The following FKBP15 variants were observed in gnomAD, a reference collection of about 807,000 sequenced individuals.
The protein encoded by FKBP15 is FK506-binding protein 15.
Under a neutral mutation model 158.1 loss-of-function variants are expected in FKBP15, and 106 were observed. The observed-to-expected ratio is 0.67, with a 90% CI of 0.57 to 0.79. FKBP15 has a LOEUF of 0.79. Ranked by LOEUF, FKBP15 falls within the 30% of genes least tolerant of loss-of-function variation. The probability of loss-of-function intolerance (pLI) is 0.00; values close to 1 mark genes in which losing one functional copy is unlikely to be tolerated. For missense variants in FKBP15, 1,287 were observed against 1,479.1 expected (o/e 0.87, Z 2.13); for synonymous variants, 547 against 548.6 (o/e 1.00, Z 0.04).
intron 22 of FKBP15, 35 bp from the exon 23 acceptor site, chr9:113,173,640 G>A: frequency 6.3e-7 from 1 of 1,596,858 alleles, no homozygotes; most frequent in East Asian, 2.3e-5. Flanking sequence ...ATCATCCTTG[G>A]GGGTGGGGGA....
chr9:113,211,956 T>C (rs1831015476), intron 1 of FKBP15, among the ~76,000 whole-genome samples: 1 of 152,158 alleles, frequency 6.6e-6, no homozygotes, highest in Non-Finnish European at 1.5e-5. Context: ...AAACTGTAAA[T>C]TCTTGCTTTT....
chr9:113,162,654 C>T lies in FKBP15; in HGVS notation c.*3424G>A, dbSNP rs190320460. 26 of 1,171,830 alleles carry T rather than the reference C, an allele frequency of 2.2e-5. No individual in the cohort carries two copies. Among genetic ancestry groups the T allele is most frequent in the East Asian group, 1.7e-4 (7 of 40,866 alleles). The allele number at this position is 1,171,830 out of a possible 1,614,324, so 72.6% of individuals were successfully genotyped here. On this transcript the variant is annotated 3_prime_UTR_variant, in exon 28 of 28. Transcript: ENST00000238256. ...TACAAGTTATAAATCAATCGGGTCA[C>T]GTAACTCAACAGCTTTCTACTCCCT...
At chr9:113,174,626 G>A (rs753157221) in intron 21 of FKBP15, 43 bp from the exon 22 acceptor site, 1 of 1,568,994 alleles carries the variant, frequency 6.4e-7, no homozygotes, top group Admixed American at 1.8e-5. Context: ...CTTGTTAACA[G>A]AGAATAAAGA....
rs367704460 is a variant in FKBP15 at position 113,169,212 on chromosome 9, A to G, written c.3485+12T>C. On this transcript the variant is annotated intron_variant, in intron 26 of 27. Transcript: ENST00000238256. Reference sequence around the variant, plus strand: ...CTACCCTGTCCCTGAAGCAGTGCTCAGAGGAACATACCTGGAACGCTGGGA... The same window carrying G: ...CTACCCTGTCCCTGAAGCAGTGCTCGGAGGAACATACCTGGAACGCTGGGA... 3 of 1,607,404 alleles carry G rather than the reference A, an allele frequency of 1.9e-6. No individual in the cohort carries two copies. Among genetic ancestry groups the G allele is most frequent in the African/African-American group, 2.7e-5 (2 of 74,830 alleles).
rs769144318 is a variant in FKBP15, at chr9:113,180,250, C to T, written c.1915-1449G>A. Among the ~76,000 whole-genome samples the T allele has an allele frequency of 1.1e-4, 16 of 152,086 alleles. No individual in the cohort carries two copies. The South Asian group carries it at 2.5e-3, about 24-fold the overall frequency. On this transcript the variant is annotated intron_variant, in intron 19 of 27. Coordinates refer to ENST00000238256, the MANE Select transcript of FKBP15 (RefSeq NM_015258.2). Reference sequence around the variant, plus strand: ...AGAAGCATAAAAATTAATGCTGTCCCCCAAATGTACATGTACACAGAAAAT... The same window carrying T: ...AGAAGCATAAAAATTAATGCTGTCCTCCAAATGTACATGTACACAGAAAAT...
chr9:113,200,256 T>C (rs1830762817), intron 6 of FKBP15, among the ~76,000 whole-genome samples: 1 of 152,178 alleles, frequency 6.6e-6, no homozygotes, highest in African/African-American at 2.4e-5. Context: ...ACAAATCTCA[T>C]AGGATGGTTA....
intron 26 of FKBP15, among the ~76,000 whole-genome samples, 188 bp downstream of exon 26, chr9:113,169,036 G>GCCACACTACCACAGGGCCCA (rs1830153071): frequency 6.6e-6 from 1 of 151,852 alleles, no homozygotes; most frequent in African/African-American, 2.4e-5. Context: ...CACAGGGCCC[G>GCCACACTACCACAGGGCCCA]CCACACTACT....
intron 21 of FKBP15, among the ~76,000 whole-genome samples, 154 bp downstream of exon 21, chr9:113,176,383 A>T (rs771686063): frequency 1.1e-4 from 16 of 152,254 alleles, no homozygotes; most frequent in Non-Finnish European, 2.2e-4. Context: ...CCTTCAATGT[A>T]TGAGATTAGA....
In FKBP15 at chr9:113,195,052, G is replaced by T. The variant is rs530994021; in HGVS notation, c.865-883C>A. Reference sequence around the variant, plus strand: ...ATTAGTTAAAATTGTTGGATAAAAGGGATGCTCATTTTGAAAGCTTTTAAC... The same window carrying T: ...ATTAGTTAAAATTGTTGGATAAAAGTGATGCTCATTTTGAAAGCTTTTAAC... On this transcript the variant is annotated intron_variant, in intron 9 of 27. Coordinates refer to ENST00000238256, the MANE Select transcript of FKBP15 (RefSeq NM_015258.2). Among the ~76,000 whole-genome samples, 3 of 152,170 alleles carry T rather than the reference G, an allele frequency of 2.0e-5. No homozygotes were observed. The East Asian group carries it at 5.8e-4, about 29-fold the overall frequency.
intron 9 of FKBP15, among the ~76,000 whole-genome samples, chr9:113,195,986 AT>A (rs560511758): frequency 2.9e-4 from 44 of 151,968 alleles, no homozygotes; most frequent in Non-Finnish European, 5.4e-4. Context: ...ACATATGACT[AT>A]GTATATGGAT....
At chr9:113,182,705 T>C (rs1830419942) in intron 19 of FKBP15, 61 bp downstream of exon 19, 6 of 1,361,216 alleles carry the variant, frequency 4.4e-6, no homozygotes, top group Admixed American at 3.4e-5. Context: ...AGTATGTACA[T>C]GGGACCATTC....
At chr9:113,196,116 T>C (rs987736851) in intron 9 of FKBP15, among the ~76,000 whole-genome samples, 1 of 152,148 alleles carries the variant, frequency 6.6e-6, no homozygotes, top group Non-Finnish European at 1.5e-5. Flanking sequence ...TTCATATTCT[T>C]TAAGAGCTAC....
At chr9:113,190,229 G>T (rs1392797298) in intron 12 of FKBP15, among the ~76,000 whole-genome samples, 2 of 152,166 alleles carry the variant, frequency 1.3e-5, no homozygotes, top group South Asian at 2.1e-4. Flanking sequence ...AGTAAAGAAG[G>T]CTAAATTAAC....
At chr9:113,192,092 T>C (rs1830585304) in intron 11 of FKBP15, among the ~76,000 whole-genome samples, 1 of 152,074 alleles carries the variant, frequency 6.6e-6, no homozygotes, top group East Asian at 1.9e-4. Context: ...GAAGTTACTA[T>C]AGCCTTAGAA....
intron 22 of FKBP15, 23 bp from the exon 23 acceptor site, chr9:113,173,628 A>G (rs1830252921): frequency 6.2e-7 from 1 of 1,606,946 alleles, no homozygotes; most frequent in Non-Finnish European, 8.5e-7. Context: ...AGTAATGACC[A>G]TATCATCCTT....
At position 113,174,870 on chromosome 9, in the gene FKBP15, G is replaced by A. The variant is rs1362319290; in HGVS notation, c.2224-287C>T. 4.4e-5 allele frequency among the ~76,000 whole-genome samples: 2 copies of A among 45,316 alleles called. 1 individual carries two copies. Among genetic ancestry groups the A allele is most frequent in the Non-Finnish European group, 9.5e-5 (2 of 21,038 alleles). The allele number at this position is 45,316 out of a possible 152,430, so 29.7% of individuals were successfully genotyped here. A position where few individuals can be genotyped will look rare whatever the true frequency, so the allele number is the denominator to read the frequency against. ...GAGGTCAGGAGATCGAGACCATCCC[G>A]GCTAAAACGGTGAAACCCCGTCTCT... On this transcript the variant is annotated intron_variant, in intron 21 of 27. Coordinates refer to ENST00000238256, the MANE Select transcript of FKBP15 (RefSeq NM_015258.2).
intron 20 of FKBP15, among the ~76,000 whole-genome samples, chr9:113,177,594 G>A (rs1325744510): frequency 2.0e-5 from 3 of 152,078 alleles, no homozygotes; most frequent in Admixed American, 6.6e-5. Flanking sequence ...AACCAGCCTG[G>A]TCAACATAGT....
chr9:113,205,867 T>C (rs1830875438), intron 4 of FKBP15: 1 of 152,214 alleles, frequency 6.6e-6, no homozygotes, highest in Non-Finnish European at 1.5e-5. Flanking sequence ...ATGCATGCTA[T>C]AACATGGGTG....
Position 113,221,237 on chromosome 9 carries a change from C to G in FKBP15, c.7G>C (p.Gly3Arg). 1.2e-6 allele frequency: 2 copies of G among 1,607,546 alleles called. No individual in the cohort carries two copies. The highest frequency in any genetic ancestry group is 2.2e-5 in the East Asian group (1 of 44,500). ...TCGGTGTCGTCCTCGTCCCCCGCAC[C>G]GAACATTGCGTTGGCTTTCACCGGG... MF[G>R]AGDEDDTDFL... is the part of the protein sequence containing the mutation. The change falls in exon 1 of 28, where the codon GGT (glycine) becomes CGT (arginine). Residue 3 changes from glycine (G) to arginine (R), a missense_variant. Gly to Arg is a moderately radical substitution (Grantham distance 125, BLOSUM62 -2). Coordinates refer to ENST00000238256, the MANE Select transcript of FKBP15 (RefSeq NM_015258.2).
Sources: gnomAD v4.1 joint callset for allele counts (sites outside exome capture counted in the v4.1 genomes callset) on GRCh38, gnomAD v4.1.1 for gene constraint, MANE v1.5 for transcripts, NCBI Gene and HGNC (gene_info 2026-07-23, HGNC 2026-07-21) for gene names.